OSBPL10: variants seen among roughly 807,000 people sequenced by gnomAD.
The protein encoded by OSBPL10 is oxysterol-binding protein-related protein 10.
In OSBPL10, 49 loss-of-function variants were observed where a neutral mutation model predicts 81.7. That is an observed-to-expected ratio of 0.60 (90% CI 0.48 to 0.76). The LOEUF (loss-of-function observed/expected upper bound fraction) is 0.76. Ranked by LOEUF, OSBPL10 falls within the 30% of genes least tolerant of loss-of-function variation. The pLI is 0.00. For synonymous variants in OSBPL10, 419 were observed against 383.6 expected (o/e 1.09, Z -1.08); for missense variants, 923 against 987.8 (o/e 0.93, Z 0.88).
At chr3:31,723,724 C>A (rs1182997364) in intron 6 of OSBPL10, among the ~76,000 whole-genome samples, 1 of 152,156 alleles carries the variant, frequency 6.6e-6, no homozygotes, top group South Asian at 2.1e-4. Context: ...AAGAACTCAT[C>A]GATTAACTCA....
intron 3 of OSBPL10, among the ~76,000 whole-genome samples, chr3:31,843,501 C>T (rs1182105456): frequency 2.6e-5 from 4 of 152,224 alleles, no homozygotes; most frequent in Admixed American, 1.3e-4. Context: ...TGCACCCAAG[C>T]CTTCATCCCT....
intron 10 of OSBPL10, 28 bp downstream of exon 10, chr3:31,668,614 G>A: frequency 6.3e-7 from 1 of 1,579,402 alleles, no homozygotes; most frequent in Non-Finnish European, 8.6e-7. Context: ...TGACTAAGCT[G>A]GAGAGGAAGA....
At chr3:31,988,963 C>A in intron 2 of OSBPL10, 1 of 1,384,534 alleles carries the variant, frequency 7.2e-7, no homozygotes, top group Non-Finnish European at 9.9e-7. Flanking sequence ...GTGTTTGTTG[C>A]CTTAAGCCAC....
chr3:31,880,145 G>A (rs184822044), intron 1 of OSBPL10, among the ~76,000 whole-genome samples: 95 of 152,366 alleles, frequency 6.2e-4, no homozygotes, highest in Admixed American at 1.7e-3. Flanking sequence ...GAGACTGGCA[G>A]AAGCATTGCA....
chr3:31,981,277 T>C, upstream of OSBPL10: 1 of 1,294,548 alleles, frequency 7.7e-7, no homozygotes, highest in Non-Finnish European at 9.7e-7. This position sits in a 1 kb window ranked among gnomAD's most constrained non-coding sequence, Gnocchi z 4.5. Flanking sequence ...GGGCCGCGCG[T>C]GCCTGCTCCA....
At chr3:31,727,474 G>A (rs1176844676) in intron 6 of OSBPL10, among the ~76,000 whole-genome samples, 1 of 152,134 alleles carries the variant, frequency 6.6e-6, no homozygotes, top group Non-Finnish European at 1.5e-5. Context: ...ATGGAGTGGG[G>A]AAGGATAATC....
intron 6 of OSBPL10, among the ~76,000 whole-genome samples, chr3:31,723,567 CA>C: frequency 6.6e-6 from 1 of 151,904 alleles, no homozygotes; most frequent in African/African-American, 2.4e-5. Flanking sequence ...CACACACACA[CA>C]CACCCCTTTC....
intron 10 of OSBPL10, among the ~76,000 whole-genome samples, chr3:31,668,190 T>G (rs1420480215): frequency 1.3e-5 from 2 of 152,218 alleles, no homozygotes; most frequent in Non-Finnish European, 2.9e-5. Context: ...GCAGCTAAAC[T>G]GCACACACTC....
intron 10 of OSBPL10, among the ~76,000 whole-genome samples, chr3:31,667,267 C>T (rs1700215514): frequency 6.6e-6 from 1 of 152,206 alleles, no homozygotes; most frequent in Non-Finnish European, 1.5e-5. Flanking sequence ...CCTTGTCCTG[C>T]TACTGCTGCC....
chr3:31,970,941 C>G (rs1698543871), intron 1 of OSBPL10, among the ~76,000 whole-genome samples: 1 of 152,150 alleles, frequency 6.6e-6, no homozygotes, highest in Non-Finnish European at 1.5e-5. Flanking sequence ...CAGGGACGCC[C>G]TGCTGAAGCC....
At chr3:31,756,923 C>T (rs982512027) in intron 4 of OSBPL10, among the ~76,000 whole-genome samples, 8 of 152,184 alleles carry the variant, frequency 5.3e-5, no homozygotes, top group African/African-American at 1.9e-4. Context: ...TTCAGAAACT[C>T]CTGCGTTAGC....
At chr3:31,852,703 CAAGT>C (rs981731742) in intron 3 of OSBPL10, among the ~76,000 whole-genome samples, 3 of 152,018 alleles carry the variant, frequency 2.0e-5, no homozygotes, top group Non-Finnish European at 2.9e-5. Flanking sequence ...CTCAGCCTCC[CAAGT>C]AAGTGAGACT....
At chr3:31,821,414 C>T (rs956998645) in intron 4 of OSBPL10, among the ~76,000 whole-genome samples, 2 of 152,146 alleles carry the variant, frequency 1.3e-5, no homozygotes, top group African/African-American at 4.8e-5. Flanking sequence ...TCCAGCCAAC[C>T]TGCTTCACTA....
At chr3:31,693,363 C>T (rs1695613320) in intron 7 of OSBPL10, among the ~76,000 whole-genome samples, 1 of 152,156 alleles carries the variant, frequency 6.6e-6, no homozygotes, top group South Asian at 2.1e-4. Flanking sequence ...GGCTGTATGC[C>T]TAAGAAGATG....
intron 1 of OSBPL10, among the ~76,000 whole-genome samples, chr3:31,973,323 C>A (rs1236848593): frequency 1.3e-5 from 2 of 152,152 alleles, no homozygotes; most frequent in Non-Finnish European, 2.9e-5. Flanking sequence ...GCTAAGACAC[C>A]TGCAGATTTG....
intron 7 of OSBPL10, among the ~76,000 whole-genome samples, chr3:31,688,345 T>C (rs1700852171): frequency 6.9e-6 from 1 of 144,944 alleles, no homozygotes; most frequent in African/African-American, 2.5e-5. Flanking sequence ...CCCTTTCTCC[T>C]GCCCTGTCTC....
At chr3:31,848,870 C>CT (rs1700696948) in intron 3 of OSBPL10, among the ~76,000 whole-genome samples, 1 of 152,214 alleles carries the variant, frequency 6.6e-6, no homozygotes, top group Non-Finnish European at 1.5e-5. Context: ...TAGGAACCCG[C>CT]TCTGTTGCAA....
intron 3 of OSBPL10, among the ~76,000 whole-genome samples, chr3:31,845,402 G>C (rs1171613002): frequency 6.6e-6 from 1 of 152,208 alleles, no homozygotes; most frequent in Non-Finnish European, 1.5e-5. Context: ...TATTAAAGTA[G>C]GAAGTGAGTC....
chr3:31,783,167 T>G (rs1698749781), intron 4 of OSBPL10, among the ~76,000 whole-genome samples: 1 of 131,158 alleles, frequency 7.6e-6, no homozygotes, highest in Non-Finnish European at 1.6e-5. Flanking sequence ...CATAGAATAC[T>G]ACTCAGCCAT....
Sources: allele counts gnomAD v4.1 joint callset (sites outside exome capture counted in the v4.1 genomes callset), GRCh38; gene constraint gnomAD v4.1.1; non-coding constraint Gnocchi (gnomAD v3.1); transcripts MANE v1.5; gene names NCBI Gene and HGNC (gene_info 2026-07-23, HGNC 2026-07-21).